ZNF329: variants seen among roughly 807,000 people sequenced by gnomAD.
The protein encoded by ZNF329 is zinc finger protein 329.
ZNF329 carries 15 observed loss-of-function variants against 26.6 expected under a neutral mutation model. That is an observed-to-expected ratio of 0.56 (90% CI 0.38 to 0.87). ZNF329 has a LOEUF of 0.87. Ranked by LOEUF, ZNF329 falls within the 40% of genes least tolerant of loss-of-function variation. The probability of loss-of-function intolerance (pLI) is 0.00; values close to 1 mark genes in which losing one functional copy is unlikely to be tolerated. For synonymous variants in ZNF329, 239 were observed against 233.5 expected (o/e 1.02, Z -0.21); for missense variants, 651 against 651.9 (o/e 1.00, Z 0.02).
chr19:58,130,645 G>A (rs1429319972), intron 3 of ZNF329, among the ~76,000 whole-genome samples: 5 of 135,248 alleles, frequency 3.7e-5, no homozygotes, highest in Admixed American at 1.7e-4. Context: ...CTGCACTCCA[G>A]CCTGGGCCAC....
In ZNF329 at chr19:58,128,396, G is replaced by A. The variant is rs746092116; in HGVS notation, c.1108C>T (p.Pro370Ser). 5.6e-6 allele frequency: 9 copies of A among 1,613,966 alleles called. No homozygotes were observed. The Admixed American group carries it at 1.5e-4, about 27-fold the overall frequency. Residue 370 changes from proline (P) to serine (S), a missense_variant, in exon 4 of 4, where the codon CCC becomes TCC. Transcript: ENST00000598312. ...TTCCCGCACTCTGCACACTCAAAGG[G>A]CTTTTCTCCAGTGTGAGTCCTCTCA... is the stretch of plus-strand genomic sequence containing the variant. ...QHERTHTGEK[P>S]FECAECGKSF...
At position 58,128,891 on chromosome 19, in the gene ZNF329, A is replaced by T. The variant is rs749088465; in HGVS notation, c.613T>A (p.Cys205Ser). Residue 205 changes from cysteine to serine, a missense_variant, in exon 4 of 4, where the codon TGT becomes AGT. Physicochemically the swap from Cys to Ser is moderately radical, Grantham distance 112. Coordinates refer to ENST00000598312, the MANE Select transcript of ZNF329 (RefSeq NM_024620.4). ...RNLPGEKQYR[C>S]TECGKCFKRN... is the part of the protein sequence containing the mutation. ...TTGAAGCATTTGCCACATTCAGTAC[A>T]TCTATATTGTTTCTCTCCAGGGAGA... 1.9e-6 allele frequency: 3 copies of T among 1,614,088 alleles called. No individual in the cohort carries two copies. In the Admixed American group the frequency reaches 5.0e-5, roughly 27 times the overall value.
chr19:58,141,154 C>A (rs145868951), intron 3 of ZNF329, among the ~76,000 whole-genome samples: 2 of 151,698 alleles, frequency 1.3e-5, no homozygotes, highest in African/African-American at 2.4e-5. Context: ...CCACACCCAG[C>A]CTAAATTTTT....
At position 58,128,888 on chromosome 19, in the gene ZNF329, TA is replaced by T. The variant is rs1244107776; in HGVS notation, c.615del (p.Cys205Ter). Reference protein sequence around the residue: ...RNLPGEKQYRCTECGKCFKRN... With the variant: ...RNLPGEKQYRXTECGKCFKRN... ...CGTTTGAAGCATTTGCCACATTCAG[TA>T]CATCTATATTGTTTCTCTCCAGGGA... On this transcript the variant is annotated frameshift_variant, in exon 4 of 4. Coordinates refer to ENST00000598312, the MANE Select transcript of ZNF329 (RefSeq NM_024620.4). LOFTEE classifies it high-confidence loss of function. 1 of 1,614,000 alleles carries T rather than the reference TA, an allele frequency of 6.2e-7. No homozygotes were observed. The highest frequency in any genetic ancestry group is 1.3e-5 in the African/African-American group (1 of 74,932).
chr19:58,154,174 A>G (rs1049640747), upstream of ZNF329, among the ~76,000 whole-genome samples: 1 of 151,924 alleles, frequency 6.6e-6, no homozygotes, highest in Non-Finnish European at 1.5e-5. Flanking sequence ...ACGCGCGGCT[A>G]ATTTTTGTAT....
chr19:58,137,914 G>A (rs1384484254), intron 3 of ZNF329, among the ~76,000 whole-genome samples: 1 of 151,946 alleles, frequency 6.6e-6, no homozygotes, highest in Non-Finnish European at 1.5e-5. Context: ...GGGGGTCAGA[G>A]GTTGCAGTGA....
intron 3 of ZNF329, among the ~76,000 whole-genome samples, chr19:58,135,486 G>C (rs1295403016): frequency 6.6e-6 from 1 of 152,112 alleles, no homozygotes; most frequent in Non-Finnish European, 1.5e-5. Flanking sequence ...GGCTGGTCTC[G>C]CACTCCTGGC....
chr19:58,137,133 T>C (rs2075089650), intron 3 of ZNF329: 1 of 151,464 alleles, frequency 6.6e-6, no homozygotes, highest in Non-Finnish European at 1.5e-5. Context: ...GGGCTCACCA[T>C]TAACTTGATT....
At chr19:58,154,010 T>C (rs1204189831), upstream of ZNF329, among the ~76,000 whole-genome samples, 2 of 151,880 alleles carry the variant, frequency 1.3e-5, no homozygotes, top group East Asian at 1.9e-4. Flanking sequence ...TATGTGATTT[T>C]TTTTTTTTTT....
At chr19:58,129,956 G>A (rs548720439) in intron 3 of ZNF329, among the ~76,000 whole-genome samples, 1 of 152,312 alleles carries the variant, frequency 6.6e-6, no homozygotes, top group African/African-American at 2.4e-5. Context: ...TGTCATCAAA[G>A]TTCTGCATTC....
At chr19:58,129,565 G>A (rs1436211241) in intron 3 of ZNF329, 54 bp from the exon 4 acceptor site, 12 of 1,441,912 alleles carry the variant, frequency 8.3e-6, no homozygotes, top group African/African-American at 1.4e-5. Context: ...ATCTGTAAGA[G>A]AAACAGACAA....
At chr19:58,147,399 CA>C (rs1438619382) in intron 1 of ZNF329, among the ~76,000 whole-genome samples, 8 of 150,588 alleles carry the variant, frequency 5.3e-5, no homozygotes, top group Non-Finnish European at 1.2e-4. Flanking sequence ...GCCTGGCAGC[CA>C]CCCCGTCCAG....
intron 1 of ZNF329, among the ~76,000 whole-genome samples, chr19:58,148,560 A>G (rs945092458): frequency 6.6e-6 from 1 of 152,092 alleles, no homozygotes; most frequent in Non-Finnish European, 1.5e-5. Flanking sequence ...AAATGTTCAA[A>G]TGTTCTTTTT....
chr19:58,147,110 G>A lies in ZNF329; in HGVS notation c.-208+3642C>T, dbSNP rs1214230753. 1.0e-4 allele frequency among the ~76,000 whole-genome samples: 15 copies of A among 149,968 alleles called. No homozygotes were observed. The East Asian group carries it at 2.2e-3, about 22-fold the overall frequency. ...CCATCCCATCTAGGAAGTGAGGAGC[G>A]TCTCTGCCCGGCCGCCCATCGTCTG... On this transcript the variant is annotated intron_variant, in intron 1 of 3. Coordinates refer to ENST00000598312, the MANE Select transcript of ZNF329 (RefSeq NM_024620.4).
intron 3 of ZNF329, among the ~76,000 whole-genome samples, chr19:58,130,141 G>A (rs1015624575): frequency 8.5e-5 from 13 of 152,066 alleles, no homozygotes; most frequent in Admixed American, 2.0e-4. Flanking sequence ...CCAACATGGT[G>A]AAACACCGTC....
chr19:58,148,224 A>G lies in ZNF329; in HGVS notation c.-208+2528T>C, dbSNP rs182168489. On this transcript the variant is annotated intron_variant, in intron 1 of 3. Transcript: ENST00000598312. ...TCCTTAAGAGTCATCACCACTCCCT[A>G]ATCTCAAGTACCCAGGGACACAAAC... Among the ~76,000 whole-genome samples, 480 of 151,186 alleles carry G rather than the reference A, an allele frequency of 3.2e-3. 4 individuals are homozygous for G. Among genetic ancestry groups the G allele is most frequent in the Non-Finnish European group, 3.9e-3 (263 of 67,988 alleles).
chr19:58,139,082 C>T lies in ZNF329; in HGVS notation c.-9+3475G>A, dbSNP rs142310901. Among the ~76,000 whole-genome samples, 112 of 152,038 alleles carry T rather than the reference C, an allele frequency of 7.4e-4. 2 individuals are homozygous for T. In the South Asian group the frequency reaches 7.9e-3, roughly 11 times the overall value. Reference sequence around the variant, plus strand: ...TATTCTCTTAGAAATAAAAATATAACGATGCCTTGGCAAGACACCAACCAA... The same window carrying T: ...TATTCTCTTAGAAATAAAAATATAATGATGCCTTGGCAAGACACCAACCAA... On this transcript the variant is annotated intron_variant, in intron 3 of 3. Transcript: ENST00000598312.
chr19:58,139,802 G>T (rs930966621), intron 3 of ZNF329, among the ~76,000 whole-genome samples: 1 of 152,126 alleles, frequency 6.6e-6, no homozygotes, highest in African/African-American at 2.4e-5. Flanking sequence ...AGGTATTCGG[G>T]AAATGCTGAT....
chr19:58,128,630 A>G lies in ZNF329; in HGVS notation c.874T>C (p.Cys292Arg). 1.2e-6 allele frequency: 2 copies of G among 1,606,236 alleles called. No individual in the cohort carries two copies. Among genetic ancestry groups the G allele is most frequent in the Non-Finnish European group, 1.7e-6 (2 of 1,175,930 alleles). ...GAATTTCGGTTGAAGGTTTTTCCAC[A>G]CTCTAGGCATTCATAAGGTTTCTCG... ...TGEKPYECLE[C>R]GKTFNRNSSL... Residue 292 changes from cysteine (C) to arginine (R), a missense_variant, in exon 4 of 4, where the codon TGT (cysteine) becomes CGT (arginine). Cys to Arg is a radical substitution (Grantham distance 180, BLOSUM62 -3). Transcript: ENST00000598312.
Sources: allele counts gnomAD v4.1 joint callset (sites outside exome capture counted in the v4.1 genomes callset), GRCh38; gene constraint gnomAD v4.1.1; transcripts MANE v1.5; gene names NCBI Gene and HGNC (gene_info 2026-07-23, HGNC 2026-07-21).